Variants in SLCO5A1 observed in about 807,000 individuals in gnomAD.
The protein encoded by SLCO5A1 is solute carrier organic anion transporter family member 5A1.
SLCO5A1 carries 39 observed loss-of-function variants against 65.1 expected under a neutral mutation model. The observed-to-expected ratio is 0.60, with a 90% CI of 0.46 to 0.78. The LOEUF is 0.78. Ranked by LOEUF, SLCO5A1 falls within the 30% of genes least tolerant of loss-of-function variation. The probability of loss-of-function intolerance (pLI) is 0.00; values close to 1 mark genes in which losing one functional copy is unlikely to be tolerated. For synonymous variants in SLCO5A1, 438 were observed against 415.7 expected, an observed-to-expected ratio of 1.05 and a Z score of -0.65; for missense variants, 1,029 against 1,069.4, an observed-to-expected ratio of 0.96 and a Z score of 0.53.
chr8:69,755,917 G>T (rs888246733), intron 3 of SLCO5A1, among the ~76,000 whole-genome samples: 1 of 152,154 alleles, frequency 6.6e-6, no homozygotes, highest in Non-Finnish European at 1.5e-5. Context: ...GAGCACCAAT[G>T]AGTTAGTTCT....
intron 5 of SLCO5A1, among the ~76,000 whole-genome samples, chr8:69,708,993 T>A (rs1459828571): frequency 6.6e-6 from 1 of 152,144 alleles, no homozygotes; most frequent in East Asian, 1.9e-4. Flanking sequence ...AGAAGTCCAG[T>A]AAGAAAGACT....
At chr8:69,831,720 A>T (rs768271700) in intron 2 of SLCO5A1, 47 bp downstream of exon 2, 2 of 1,533,384 alleles carry the variant, frequency 1.3e-6, no homozygotes, top group Admixed American at 4.1e-5. Context: ...AAGGAAAGTA[A>T]GTTTCAGTGT....
At chr8:69,699,551 TCA>T (rs60166649) in intron 6 of SLCO5A1, among the ~76,000 whole-genome samples, 2 of 108,916 alleles carry the variant, frequency 1.8e-5, no homozygotes, top group Admixed American at 8.3e-5. Context: ...AGACCTACCC[TCA>T]CACACACACA....
chr8:69,796,742 ATGAGCATAAAATGTTAGAAG>A, intron 2 of SLCO5A1, among the ~76,000 whole-genome samples: 1 of 151,870 alleles, frequency 6.6e-6, no homozygotes, highest in South Asian at 2.1e-4. Flanking sequence ...GCTCATACAT[ATGAGCATAAAATGTTAGAAG>A]CAGCCAGGCC....
At chr8:69,784,811 A>AAAGAAAG (rs1554620799) in intron 2 of SLCO5A1, among the ~76,000 whole-genome samples, 1 of 70,930 alleles carries the variant, frequency 1.4e-5, no homozygotes, top group African/African-American at 7.8e-5. Flanking sequence ...GAAAGAAAGA[A>AAAGAAAG]AAAGAAAGAA....
At position 69,825,951 on chromosome 8, in the gene SLCO5A1, A is replaced by G. The variant is rs567605552; in HGVS notation, c.907+5816T>C. The stretch of plus-strand genomic sequence containing the variant: ...ACAGAGATATAGATCAATGGAACAG[A>G]ACAGAGCCCTCAGAAATAACGCTGC... On this transcript the variant is annotated intron_variant, in intron 2 of 9. Coordinates refer to ENST00000260126, the MANE Select transcript of SLCO5A1 (RefSeq NM_030958.3). Among the ~76,000 whole-genome samples the G allele has an allele frequency of 2.4e-3, 369 of 152,348 alleles. 1 individual carries two copies. The highest frequency in any genetic ancestry group is 6.8e-3 in the African/African-American group (283 of 41,568).
chr8:69,824,474 T>C (rs963115162), intron 2 of SLCO5A1, among the ~76,000 whole-genome samples: 4 of 152,118 alleles, frequency 2.6e-5, no homozygotes, highest in Non-Finnish European at 5.9e-5. Context: ...AAATACAAAC[T>C]ACCATCAGAG....
chr8:69,777,897 A>G (rs1818626482), intron 2 of SLCO5A1, among the ~76,000 whole-genome samples: 11 of 152,194 alleles, frequency 7.2e-5, no homozygotes. Flanking sequence ...TACGTCATTC[A>G]TCTCCCTTCA....
At chr8:69,824,030 G>T (rs975688634) in intron 2 of SLCO5A1, among the ~76,000 whole-genome samples, 3 of 152,016 alleles carry the variant, frequency 2.0e-5, no homozygotes, top group Admixed American at 6.5e-5. Flanking sequence ...ATGACTACTG[G>T]GTACATAACT....
chr8:69,831,722 T>C (rs2130930597), intron 2 of SLCO5A1, 45 bp downstream of exon 2: 3 of 1,554,988 alleles, frequency 1.9e-6, no homozygotes, highest in Middle Eastern at 1.7e-4. Flanking sequence ...GGAAAGTAAG[T>C]TTCAGTGTGA....
At position 69,831,903 on chromosome 8, in the gene SLCO5A1, T is replaced by G; in HGVS notation, c.771A>C (p.Gly257=). 6.2e-7 allele frequency: 1 copy of G among 1,608,736 alleles called. No individual in the cohort carries two copies. Among genetic ancestry groups the G allele is most frequent in the Non-Finnish European group, 8.5e-7 (1 of 1,178,398 alleles). Residue 257 remains glycine (G), a synonymous_variant, in exon 2 of 10, where the codon GGA becomes GGC. Coordinates refer to ENST00000260126, the MANE Select transcript of SLCO5A1 (RefSeq NM_030958.3). ...EPPACPKDSG[G]NNHWVYVALF... is the part of the protein sequence containing the mutation. ...AAGCCACGTAGACCCAGTGATTATTTCCTCCCGAGTCCTTCGGACAGGCCG... is the reference window on the plus strand; with the variant it reads ...AAGCCACGTAGACCCAGTGATTATTGCCTCCCGAGTCCTTCGGACAGGCCG...
intron 2 of SLCO5A1, among the ~76,000 whole-genome samples, chr8:69,826,073 C>G (rs1360113022): frequency 6.6e-6 from 1 of 152,148 alleles, no homozygotes; most frequent in East Asian, 1.9e-4. Flanking sequence ...AACTGGCTAG[C>G]CATATGCAGA....
At chr8:69,826,778 C>A (rs2130925923) in intron 2 of SLCO5A1, among the ~76,000 whole-genome samples, 1 of 152,128 alleles carries the variant, frequency 6.6e-6, no homozygotes, top group South Asian at 2.1e-4. Flanking sequence ...ACCATTTGAC[C>A]CAGCCATCCC....
At chr8:69,790,258 G>A (rs531762125) in intron 2 of SLCO5A1, among the ~76,000 whole-genome samples, 58 of 151,580 alleles carry the variant, frequency 3.8e-4, no homozygotes, top group Non-Finnish European at 6.9e-4. Flanking sequence ...ATGCTTGAAG[G>A]GATGTATACC....
intron 4 of SLCO5A1, among the ~76,000 whole-genome samples, chr8:69,744,640 T>C (rs1294407471): frequency 6.6e-6 from 1 of 152,190 alleles, no homozygotes; most frequent in Non-Finnish European, 1.5e-5. Flanking sequence ...CATCTTCAGC[T>C]CCCAGCATTC....
chr8:69,787,888 T>C (rs1174317286), intron 2 of SLCO5A1, among the ~76,000 whole-genome samples: 1 of 152,210 alleles, frequency 6.6e-6, no homozygotes, highest in Admixed American at 6.5e-5. Context: ...AAGAGGGTGT[T>C]CTACACAAAC....
chr8:69,803,289 CACTTGCAATCCCAACT>C (rs1819837817), intron 2 of SLCO5A1, among the ~76,000 whole-genome samples: 1 of 152,140 alleles, frequency 6.6e-6, no homozygotes, highest in South Asian at 2.1e-4. Flanking sequence ...TGGTGGCATA[CACTTGCAATCCCAACT>C]ACTCAGGAGG....
At chr8:69,763,020 G>A (rs1159182293) in intron 2 of SLCO5A1, among the ~76,000 whole-genome samples, 1 of 152,056 alleles carries the variant, frequency 6.6e-6, no homozygotes, top group African/African-American at 2.4e-5. Context: ...CATCAAAATG[G>A]GCATATAGGC....
At chr8:69,691,973 A>G (rs772264520) in intron 6 of SLCO5A1, among the ~76,000 whole-genome samples, 9 of 152,286 alleles carry the variant, frequency 5.9e-5, no homozygotes, top group South Asian at 4.1e-4. Context: ...ATAAGGCCGG[A>G]CGCGGTGGCT....
Sources: allele counts gnomAD v4.1 joint callset (sites outside exome capture counted in the v4.1 genomes callset), GRCh38; gene constraint gnomAD v4.1.1; transcripts MANE v1.5; gene names NCBI Gene and HGNC (gene_info 2026-07-23, HGNC 2026-07-21).